The following SLC4A10 variants were observed in gnomAD, a reference collection of about 807,000 sequenced individuals.
SLC4A10 encodes the protein solute carrier family 4 member 10, also known as sodium-driven chloride bicarbonate exchanger.
SLC4A10 carries 42 observed loss-of-function variants against 137.7 expected under a neutral mutation model. The observed-to-expected ratio is 0.30, with a 90% CI of 0.24 to 0.39. The LOEUF is 0.39. SLC4A10 is among the 10% of genes least tolerant of loss of function. The pLI, the probability that SLC4A10 is intolerant of heterozygous loss-of-function variation, is 1.00. For missense variants in SLC4A10, 925 were observed against 1,355.0 expected (o/e 0.68, Z 4.98); for synonymous variants, 474 against 464.1 (o/e 1.02, Z -0.27).
chr2:161,970,971 G>A (rs533641468), intron 23 of SLC4A10, among the ~76,000 whole-genome samples: 1 of 152,258 alleles, frequency 6.6e-6, no homozygotes, highest in Admixed American at 6.5e-5. Flanking sequence ...TTTTATGGTT[G>A]GCCTACATTG....
At chr2:161,729,316 A>G (rs74437022) in intron 1 of SLC4A10, among the ~76,000 whole-genome samples, 8,761 of 152,256 alleles carry the variant, frequency 0.058, 347 homozygotes, top group Middle Eastern at 0.095. Flanking sequence ...GCCTCCCCCA[A>G]CCAAACTCAT....
At chr2:161,980,374 C>T (rs934619775) in intron 26 of SLC4A10, among the ~76,000 whole-genome samples, 24 of 152,086 alleles carry the variant, frequency 1.6e-4, no homozygotes, top group African/African-American at 5.6e-4. Flanking sequence ...TTAGCCTGGG[C>T]GTGGTGGCTC....
At chr2:161,896,113 C>A (rs181347976) in intron 11 of SLC4A10, among the ~76,000 whole-genome samples, 1 of 152,042 alleles carries the variant, frequency 6.6e-6, no homozygotes, top group African/African-American at 2.4e-5. Flanking sequence ...AAGGGATCCA[C>A]TTTCAGCTTT....
chr2:161,738,538 A>T (rs914575963), intron 1 of SLC4A10, among the ~76,000 whole-genome samples: 3 of 152,180 alleles, frequency 2.0e-5, no homozygotes, highest in Non-Finnish European at 4.4e-5. Context: ...AAACTTTGTG[A>T]TTTGTACAAG....
At chr2:161,734,748 T>A (rs1418764338) in intron 1 of SLC4A10, among the ~76,000 whole-genome samples, 1 of 152,184 alleles carries the variant, frequency 6.6e-6, no homozygotes, top group Non-Finnish European at 1.5e-5. Context: ...TATATATATT[T>A]TTTTTCTGAT....
intron 15 of SLC4A10, among the ~76,000 whole-genome samples, chr2:161,925,975 T>C (rs1282898860): frequency 2.0e-5 from 3 of 152,146 alleles, no homozygotes; most frequent in Admixed American, 2.0e-4. Context: ...CTTCCAACTA[T>C]GTGGTCAATT....
chr2:161,743,307 A>G (rs2048097486), intron 1 of SLC4A10, among the ~76,000 whole-genome samples: 1 of 152,144 alleles, frequency 6.6e-6, no homozygotes, highest in African/African-American at 2.4e-5. Context: ...ATGACAAGAG[A>G]TAGGGGTCTA....
At chr2:161,719,720 A>C (rs1325495701) in intron 1 of SLC4A10, among the ~76,000 whole-genome samples, 1 of 152,088 alleles carries the variant, frequency 6.6e-6, no homozygotes, top group African/African-American at 2.4e-5. Context: ...ATGTCTGTTC[A>C]TATCCTTGGC....
intron 2 of SLC4A10, among the ~76,000 whole-genome samples, chr2:161,776,861 G>GTGTA (rs2125449875): frequency 8.6e-6 from 1 of 116,524 alleles, no homozygotes; most frequent in African/African-American, 3.6e-5. Flanking sequence ...TTTCTGGTGT[G>GTGTA]TGTGTGTGTG....
intron 1 of SLC4A10, among the ~76,000 whole-genome samples, chr2:161,669,117 G>A (rs950327139): frequency 6.6e-6 from 1 of 151,880 alleles, no homozygotes; most frequent in Non-Finnish European, 1.5e-5. Context: ...GACACAAACT[G>A]TATGACTATA....
intron 1 of SLC4A10, among the ~76,000 whole-genome samples, chr2:161,651,520 C>T (rs1489085130): frequency 6.6e-6 from 1 of 152,226 alleles, no homozygotes; most frequent in Non-Finnish European, 1.5e-5. Context: ...TTCAGCCCTT[C>T]AGGGAGCCCA....
At position 161,663,082 on chromosome 2, in the gene SLC4A10, G is replaced by T. The variant is rs151012462; in HGVS notation, c.48+38516G>T. Among the ~76,000 whole-genome samples, 484 of 152,036 alleles carry T rather than the reference G, an allele frequency of 3.2e-3. 2 individuals are homozygous for T. The highest frequency in any genetic ancestry group is 0.011 in the African/African-American group (466 of 41,450). ...AAATTGCTCTTGTAAATTAGATGAG[G>T]GACTATAGTATCATACTCTTGTTCA... is the stretch of plus-strand genomic sequence containing the variant. On this transcript the variant is annotated intron_variant, in intron 1 of 26. Coordinates refer to ENST00000446997, the MANE Select transcript of SLC4A10 (RefSeq NM_001178015.2).
intron 2 of SLC4A10, among the ~76,000 whole-genome samples, chr2:161,776,991 G>T (rs544577647): frequency 1.3e-5 from 2 of 150,756 alleles, no homozygotes; most frequent in African/African-American, 4.9e-5. Context: ...TGTACTTGTT[G>T]CTCACTTGCA....
intron 2 of SLC4A10, among the ~76,000 whole-genome samples, chr2:161,779,773 T>G (rs1334491522): frequency 6.6e-6 from 1 of 152,042 alleles, no homozygotes; most frequent in African/African-American, 2.4e-5. Context: ...TTTATTTGCA[T>G]GGCCTTTGAG....
chr2:161,965,704 G>A (rs561473725), intron 23 of SLC4A10, among the ~76,000 whole-genome samples: 8 of 152,228 alleles, frequency 5.3e-5, no homozygotes, highest in East Asian at 1.9e-4. Flanking sequence ...TTGAGTAGAT[G>A]TTGCAGAAAC....
At chr2:161,699,605 A>G (rs1420758589) in intron 1 of SLC4A10, among the ~76,000 whole-genome samples, 1 of 152,232 alleles carries the variant, frequency 6.6e-6, no homozygotes, top group Non-Finnish European at 1.5e-5. Context: ...TGAGGATCTT[A>G]ATAATTGTAA....
chr2:161,874,802 C>T (rs1322823988), intron 8 of SLC4A10, among the ~76,000 whole-genome samples: 1 of 152,204 alleles, frequency 6.6e-6, no homozygotes, highest in Non-Finnish European at 1.5e-5. Flanking sequence ...TGGAGAAGTT[C>T]TCTAAAGTTC....
In SLC4A10 at chr2:161,906,606, A is replaced by G. The variant is rs146070848; in HGVS notation, c.1997+719A>G. Reference sequence around the variant, plus strand: ...TTATTGTGCTTATATGCAGTTTTTTATACTGCAAATATCTGAAGCAATATG... The same window carrying G: ...TTATTGTGCTTATATGCAGTTTTTTGTACTGCAAATATCTGAAGCAATATG... On this transcript the variant is annotated intron_variant, in intron 15 of 26. Transcript: ENST00000446997. Among the ~76,000 whole-genome samples, 143 of 152,268 alleles carry G rather than the reference A, an allele frequency of 9.4e-4. 2 individuals carry two copies. The highest frequency in any genetic ancestry group is 3.3e-3 in the African/African-American group (138 of 41,558).
chr2:161,787,566 T>C (rs2053762678), intron 2 of SLC4A10, among the ~76,000 whole-genome samples: 1 of 151,874 alleles, frequency 6.6e-6, no homozygotes, highest in Non-Finnish European at 1.5e-5. Flanking sequence ...GCTATAGGTT[T>C]GGTCAATTTA....
Sources: allele counts gnomAD v4.1 joint callset (sites outside exome capture counted in the v4.1 genomes callset), GRCh38; gene constraint gnomAD v4.1.1; transcripts MANE v1.5; gene names NCBI Gene and HGNC (gene_info 2026-07-23, HGNC 2026-07-21).